RAD51B: variants seen among roughly 807,000 people sequenced by gnomAD.
RAD51B encodes the protein RAD51 paralog B.
Under a neutral mutation model 42.2 loss-of-function variants are expected in RAD51B, and 38 were observed. The ratio of observed to expected loss-of-function variants is 0.90; its 90% CI spans 0.70 to 1.18. The LOEUF (loss-of-function observed/expected upper bound fraction) is 1.18. Ranked by LOEUF, RAD51B falls within the 50% of genes most tolerant of loss-of-function variation. RAD51B has a pLI of 0.00. For synonymous variants in RAD51B, 154 were observed against 145.2 expected, an observed-to-expected ratio of 1.06 and a Z score of -0.43; for missense variants, 373 against 400.7, an observed-to-expected ratio of 0.93 and a Z score of 0.59.
chr14:68,220,356 A>G (rs549122290), intron 7 of RAD51B, among the ~76,000 whole-genome samples: 19 of 152,354 alleles, frequency 1.2e-4, no homozygotes, highest in African/African-American at 3.8e-4. Context: ...CAGAAATAAA[A>G]TTAAAAATCA....
chr14:68,186,408 C>T (rs1460075105), intron 7 of RAD51B, among the ~76,000 whole-genome samples: 1 of 152,146 alleles, frequency 6.6e-6, no homozygotes, highest in Non-Finnish European at 1.5e-5. Flanking sequence ...AAGAAACTAT[C>T]AACAGAGTAA....
rs60173412 is a variant in RAD51B at position 68,610,843 on chromosome 14, ATGTGTGTGTGTG to A, written c.1037-131_1037-120del. Among the ~76,000 whole-genome samples the A allele has an allele frequency of 1.4e-3, 205 of 144,972 alleles. 1 individual carries two copies. Among genetic ancestry groups the A allele is most frequent in the Admixed American group, 3.5e-3 (51 of 14,548 alleles). ...CTATTATAACCACATCTGAATGTAT[ATGTGTGTGTGTG>A]TGTGTGTGTGTGTGTGTGTGTGTGT... On this transcript the variant is annotated intron_variant, in intron 10 of 10. Transcript: ENST00000487861.
chr14:68,021,054 G>A (rs184670440), intron 7 of RAD51B, among the ~76,000 whole-genome samples: 1 of 152,266 alleles, frequency 6.6e-6, no homozygotes, highest in East Asian at 1.9e-4. Flanking sequence ...ACCAGATGAT[G>A]GAAACTGAAT....
chr14:68,599,908 G>A (rs1033750565), downstream of RAD51B, among the ~76,000 whole-genome samples: 16 of 152,146 alleles, frequency 1.1e-4, no homozygotes, highest in Non-Finnish European at 1.9e-4. Context: ...CAGGTCCCAG[G>A]CCCTGGTCCT....
intron 7 of RAD51B, among the ~76,000 whole-genome samples, chr14:68,168,221 G>A (rs2140847727): frequency 6.6e-6 from 1 of 152,194 alleles, no homozygotes; most frequent in South Asian, 2.1e-4. Flanking sequence ...AATAGAAATG[G>A]ATCTCTAGAA....
intron 10 of RAD51B, among the ~76,000 whole-genome samples, chr14:68,508,943 G>A (rs899844670): frequency 2.0e-5 from 3 of 152,254 alleles, no homozygotes; most frequent in Admixed American, 2.0e-4. Context: ...ACCACTTGTG[G>A]CTCTCCATCA....
intron 10 of RAD51B, among the ~76,000 whole-genome samples, chr14:68,530,965 AG>A (rs2140349217): frequency 6.6e-6 from 1 of 152,290 alleles, no homozygotes; most frequent in African/African-American, 2.4e-5. Context: ...AAGTGTGCTA[AG>A]AGTCTTGCCT....
At chr14:68,417,225 C>T (rs2084583628) in intron 9 of RAD51B, among the ~76,000 whole-genome samples, 1 of 152,156 alleles carries the variant, frequency 6.6e-6, no homozygotes, top group Non-Finnish European at 1.5e-5. Flanking sequence ...CTCTTGTTTT[C>T]TACTCCAGCT....
At chr14:68,465,973 A>C (rs1484232874) in intron 9 of RAD51B, among the ~76,000 whole-genome samples, 3 of 150,936 alleles carry the variant, frequency 2.0e-5, no homozygotes, top group South Asian at 2.1e-4. Context: ...TAAATAAATA[A>C]ATAAATAAAT....
At chr14:67,855,551 T>C (rs1324642111) in intron 4 of RAD51B, among the ~76,000 whole-genome samples, 1 of 152,154 alleles carries the variant, frequency 6.6e-6, no homozygotes, top group Non-Finnish European at 1.5e-5. Flanking sequence ...ATTATAGTTC[T>C]TTTTATAATT....
intron 7 of RAD51B, among the ~76,000 whole-genome samples, chr14:67,961,602 G>C (rs2074669062): frequency 6.6e-6 from 1 of 152,160 alleles, no homozygotes; most frequent in South Asian, 2.1e-4. Context: ...TCAGTTCTCT[G>C]AAAATGTGTA....
chr14:68,153,709 T>C (rs182368223), intron 7 of RAD51B, among the ~76,000 whole-genome samples: 175 of 152,338 alleles, frequency 1.1e-3, no homozygotes, highest in African/African-American at 4.0e-3. Context: ...ACATTTCTTA[T>C]ATATGCCGGA....
chr14:68,386,179 C>T (rs1032273865), intron 8 of RAD51B, among the ~76,000 whole-genome samples: 4 of 152,158 alleles, frequency 2.6e-5, no homozygotes, highest in Non-Finnish European at 4.4e-5. Flanking sequence ...AGGCCACATA[C>T]AAGCTATTGG....
intron 7 of RAD51B, among the ~76,000 whole-genome samples, chr14:67,995,370 C>T (rs372958071): frequency 6.6e-5 from 10 of 151,774 alleles, no homozygotes; most frequent in South Asian, 6.3e-4. Flanking sequence ...GGCAACAGAG[C>T]GAGACTCCAT....
chr14:68,612,693 A>T (rs1891722148), downstream of RAD51B, among the ~76,000 whole-genome samples: 1 of 152,180 alleles, frequency 6.6e-6, no homozygotes, highest in South Asian at 2.1e-4. Flanking sequence ...GGAGATAGAT[A>T]ATGGTGATGG....
downstream of RAD51B, among the ~76,000 whole-genome samples, chr14:68,599,821 G>A (rs1386148410): frequency 6.6e-6 from 1 of 152,218 alleles, no homozygotes; most frequent in Non-Finnish European, 1.5e-5. Context: ...GAAAGTCTCA[G>A]GTCCTTCCTC....
At chr14:68,166,367 A>G (rs555196440) in intron 7 of RAD51B, among the ~76,000 whole-genome samples, 80 of 152,248 alleles carry the variant, frequency 5.3e-4, no homozygotes, top group African/African-American at 1.9e-3. Flanking sequence ...TCTTTGGAGT[A>G]AATTTTTTTC....
intron 7 of RAD51B, among the ~76,000 whole-genome samples, chr14:68,051,696 T>C (rs2076396164): frequency 6.6e-6 from 1 of 152,038 alleles, no homozygotes; most frequent in Non-Finnish European, 1.5e-5. Context: ...ACTCCTGGGC[T>C]GAAGCAATCC....
intron 7 of RAD51B, among the ~76,000 whole-genome samples, chr14:67,912,729 G>A (rs953484141): frequency 1.4e-5 from 2 of 144,312 alleles, no homozygotes; most frequent in Middle Eastern, 3.3e-3. Flanking sequence ...TTTTTGAGAT[G>A]GAGTCTCACT....
Sources: allele counts gnomAD v4.1 joint callset (sites outside exome capture counted in the v4.1 genomes callset), GRCh38; gene constraint gnomAD v4.1.1; transcripts MANE v1.5; gene names NCBI Gene and HGNC (gene_info 2026-07-23, HGNC 2026-07-21).